Variants in LRRC8D observed in about 807,000 individuals in gnomAD.
LRRC8D encodes leucine rich repeat containing 8 VRAC subunit D.
Under a neutral mutation model 55.8 loss-of-function variants are expected in LRRC8D, and 20 were observed. The observed-to-expected ratio is 0.36, with a 90% confidence interval of 0.25 to 0.52. The LOEUF (loss-of-function observed/expected upper bound fraction) is 0.52. Ranked by LOEUF, LRRC8D falls within the 20% of genes least tolerant of loss-of-function variation. The pLI is 0.93. For synonymous variants in LRRC8D, 352 were observed against 377.0 expected, an observed-to-expected ratio of 0.93 and a Z score of 0.77; for missense variants, 651 against 1,030.8, an observed-to-expected ratio of 0.63 and a Z score of 5.05.
chr1:89,848,909 A>G (rs769565651), intron 2 of LRRC8D, among the ~76,000 whole-genome samples: 1 of 152,130 alleles, frequency 6.6e-6, no homozygotes, highest in Non-Finnish European at 1.5e-5. Flanking sequence ...CGTGTTAGCC[A>G]GGATGATCTC....
At chr1:89,860,756 CAAAAAAAAAAAAA>C (rs1181859656) in intron 2 of LRRC8D, among the ~76,000 whole-genome samples, 1 of 18,846 alleles carries the variant, frequency 5.3e-5, no homozygotes, top group African/African-American at 2.3e-4. Context: ...GACTCTATCT[CAAAAAAAAAAAAA>C]AAAAAAAAAA....
chr1:89,856,786 G>A (rs982246938), intron 2 of LRRC8D, among the ~76,000 whole-genome samples: 2 of 152,146 alleles, frequency 1.3e-5, no homozygotes, highest in Admixed American at 6.5e-5. Flanking sequence ...TAATTTACAT[G>A]TAAAGTGGTT....
intron 2 of LRRC8D, among the ~76,000 whole-genome samples, chr1:89,853,468 A>G (rs535074961): frequency 1.3e-5 from 2 of 152,382 alleles, no homozygotes; most frequent in South Asian, 4.1e-4. Context: ...AAAGGATCAA[A>G]GACTGAGCAG....
At chr1:89,835,267 G>C (rs1254099026) in intron 1 of LRRC8D, among the ~76,000 whole-genome samples, 1 of 152,224 alleles carries the variant, frequency 6.6e-6, no homozygotes, top group Admixed American at 6.5e-5. Flanking sequence ...GCATTCTAGA[G>C]AAAGGTCTGA....
intron 1 of LRRC8D, among the ~76,000 whole-genome samples, chr1:89,838,509 T>TTCA (rs1661056787): frequency 6.6e-6 from 1 of 152,234 alleles, no homozygotes; most frequent in African/African-American, 2.4e-5. Flanking sequence ...AGGACAGTAT[T>TTCA]TCATCTATGT....
intron 2 of LRRC8D, among the ~76,000 whole-genome samples, chr1:89,845,380 G>T (rs1311893357): frequency 6.6e-6 from 1 of 152,162 alleles, no homozygotes; most frequent in Non-Finnish European, 1.5e-5. Context: ...TTGTGAGATG[G>T]CTGTGTTTAT....
Position 89,935,620 on chromosome 1 carries a change from A to G in LRRC8D, c.2552A>G (p.Asn851Ser), listed in dbSNP as rs1663832256. 1 of 1,613,780 alleles carries G rather than the reference A, an allele frequency of 6.2e-7. No homozygotes were observed. Among genetic ancestry groups the G allele is most frequent in the African/African-American group, 1.3e-5 (1 of 74,946 alleles). Reference protein sequence around the residue: ...EVKEALNQDINIPFANGI With the variant: ...EVKEALNQDISIPFANGI Reference sequence around the variant, plus strand: ...AAAGAGGCATTGAATCAAGACATAAATATTCCCTTTGCAAATGGGATTTAA... The same window carrying G: ...AAAGAGGCATTGAATCAAGACATAAGTATTCCCTTTGCAAATGGGATTTAA... The change falls in exon 3 of 3, where the codon AAT becomes AGT. Residue 851 changes from asparagine to serine, a missense_variant. This residue lies in a region of LRRC8D where 338 missense variants were observed against 479.4 expected (regional missense o/e 0.71). Transcript: ENST00000337338.
chr1:89,875,600 A>G (rs145713947), intron 2 of LRRC8D, among the ~76,000 whole-genome samples: 498 of 152,334 alleles, frequency 3.3e-3, no homozygotes, highest in Non-Finnish European at 6.1e-3. Context: ...AAAGCCTTTC[A>G]TATACAACAG....
At chr1:89,908,512 C>G (rs1380784945) in intron 2 of LRRC8D, among the ~76,000 whole-genome samples, 6 of 152,184 alleles carry the variant, frequency 3.9e-5, no homozygotes, top group Admixed American at 2.6e-4. Context: ...TCTGTTGCAT[C>G]TTCTGTTGTG....
At chr1:89,893,479 G>A (rs371821637) in intron 2 of LRRC8D, among the ~76,000 whole-genome samples, 13 of 152,180 alleles carry the variant, frequency 8.5e-5, no homozygotes, top group African/African-American at 3.1e-4. Context: ...AATTGCAAGG[G>A]AATTAGCATA....
intron 2 of LRRC8D, among the ~76,000 whole-genome samples, chr1:89,862,517 C>T (rs1385520969): frequency 6.6e-6 from 1 of 152,172 alleles, no homozygotes; most frequent in African/African-American, 2.4e-5. Flanking sequence ...AGTCTTTGGA[C>T]AGTTTAGTTC....
At chr1:89,926,042 GC>G (rs1663555943) in intron 2 of LRRC8D, among the ~76,000 whole-genome samples, 1 of 152,166 alleles carries the variant, frequency 6.6e-6, no homozygotes, top group Non-Finnish European at 1.5e-5. Context: ...CTATGCCTTT[GC>G]CCTTGCTATT....
At chr1:89,851,608 C>G (rs1209975864) in intron 2 of LRRC8D, among the ~76,000 whole-genome samples, 3 of 151,588 alleles carry the variant, frequency 2.0e-5, no homozygotes, top group Non-Finnish European at 4.4e-5. Context: ...CTCCTGGGTT[C>G]AAGTGATTCT....
chr1:89,914,585 G>C (rs766525103), intron 2 of LRRC8D, among the ~76,000 whole-genome samples: 2 of 152,186 alleles, frequency 1.3e-5, no homozygotes, highest in Non-Finnish European at 2.9e-5. Flanking sequence ...AATGGCATCA[G>C]ACCTTTCTAG....
intron 2 of LRRC8D, among the ~76,000 whole-genome samples, chr1:89,844,382 G>T (rs1279008029): frequency 6.6e-6 from 1 of 152,158 alleles, no homozygotes; most frequent in East Asian, 1.9e-4. Flanking sequence ...CAAACAGAGG[G>T]AATTAATGAT....
intron 2 of LRRC8D, among the ~76,000 whole-genome samples, chr1:89,897,796 T>C (rs1468423796): frequency 6.6e-6 from 1 of 152,218 alleles, no homozygotes; most frequent in East Asian, 1.9e-4. Flanking sequence ...CTGGTCTGCC[T>C]TAGCCAAATC....
chr1:89,871,359 T>C (rs1473441102), intron 2 of LRRC8D, among the ~76,000 whole-genome samples: 1 of 152,224 alleles, frequency 6.6e-6, no homozygotes, highest in Non-Finnish European at 1.5e-5. Flanking sequence ...GGAGACTCAT[T>C]AATGATTAAT....
intron 1 of LRRC8D, 91 bp from the exon 2 acceptor site, chr1:89,843,547 G>A (rs1279048243): frequency 1.5e-6 from 1 of 683,964 alleles, no homozygotes; most frequent in South Asian, 1.5e-5. Context: ...TGACCCCCTG[G>A]TCTTGCCTCC....
chr1:89,897,371 C>T (rs1220906468), intron 2 of LRRC8D, among the ~76,000 whole-genome samples: 1 of 152,120 alleles, frequency 6.6e-6, no homozygotes, highest in Non-Finnish European at 1.5e-5. Flanking sequence ...ATCTACAGGC[C>T]TGTTGCCATT....
Sources: gnomAD v4.1 joint callset for allele counts (sites outside exome capture counted in the v4.1 genomes callset) on GRCh38, gnomAD v4.1.1 for gene constraint, gnomAD v4.1.1 regional missense constraint, MANE v1.5 for transcripts, NCBI Gene and HGNC (gene_info 2026-07-23, HGNC 2026-07-21) for gene names.